RFX3: variants seen among roughly 807,000 people sequenced by gnomAD.
The protein encoded by RFX3 is transcription factor RFX3.
RFX3 carries 14 observed loss-of-function variants against 98.6 expected under a neutral mutation model. That is an observed-to-expected ratio of 0.14 (90% CI 0.09 to 0.22). RFX3 has a LOEUF of 0.22. Among genes scored for constraint, RFX3 ranks in the 10% least tolerant of loss-of-function variants. The probability of loss-of-function intolerance (pLI) is 1.00; values close to 1 mark genes in which losing one functional copy is unlikely to be tolerated. For synonymous variants in RFX3, 383 were observed against 328.4 expected (o/e 1.17, Z -1.80); for missense variants, 639 against 926.9 (o/e 0.69, Z 4.03).
intron 1 of RFX3, among the ~76,000 whole-genome samples, chr9:3,496,605 C>G (rs1851125844): frequency 6.6e-6 from 1 of 151,898 alleles, no homozygotes; most frequent in African/African-American, 2.4e-5. Context: ...TCACGTTAAG[C>G]TCTCTCTATA....
At chr9:3,489,495 T>C in intron 1 of RFX3, 1 of 802,788 alleles carries the variant, frequency 1.2e-6, no homozygotes, top group Non-Finnish European at 1.5e-6. Context: ...AGTAGGGGAA[T>C]TATGACATCA....
chr9:3,322,469 G>T (rs775749555), intron 4 of RFX3, among the ~76,000 whole-genome samples: 57 of 152,116 alleles, frequency 3.7e-4, no homozygotes, highest in East Asian at 9.7e-4. Flanking sequence ...CGGTGGCTCA[G>T]GCCTGTAATC....
chr9:3,352,378 G>A (rs886830673), intron 2 of RFX3, among the ~76,000 whole-genome samples: 1 of 151,950 alleles, frequency 6.6e-6, no homozygotes, highest in Non-Finnish European at 1.5e-5. Context: ...ATGAAAAGAG[G>A]TGAGGGGGTG....
chr9:3,445,857 G>A (rs1343971140), intron 1 of RFX3, among the ~76,000 whole-genome samples: 2 of 152,014 alleles, frequency 1.3e-5, no homozygotes, highest in Non-Finnish European at 2.9e-5. Context: ...TCACTTCTCT[G>A]CATGCCCTGA....
intron 4 of RFX3, among the ~76,000 whole-genome samples, chr9:3,322,615 C>A (rs1380860440): frequency 6.6e-6 from 1 of 152,010 alleles, no homozygotes; most frequent in Non-Finnish European, 1.5e-5. Context: ...TACCTGTAAT[C>A]CCAGTTACTA....
chr9:3,433,223 T>C (rs1844809734), intron 1 of RFX3, among the ~76,000 whole-genome samples: 1 of 152,058 alleles, frequency 6.6e-6, no homozygotes, highest in African/African-American at 2.4e-5. Context: ...TTCCATAAAG[T>C]CACACAAAGT....
chr9:3,485,889 C>A (rs1376082366), intron 1 of RFX3, among the ~76,000 whole-genome samples: 3 of 151,952 alleles, frequency 2.0e-5, no homozygotes, highest in Admixed American at 6.5e-5. Context: ...CTTTGGGAGG[C>A]CGAGGTGGGC....
chr9:3,310,036 A>C (rs1829780844), intron 4 of RFX3, among the ~76,000 whole-genome samples: 1 of 152,180 alleles, frequency 6.6e-6, no homozygotes, highest in Admixed American at 6.5e-5. Context: ...GTGATCCTGA[A>C]CAGTGCTTTC....
At chr9:3,265,484 G>A (rs1489180386) in intron 12 of RFX3, among the ~76,000 whole-genome samples, 1 of 152,152 alleles carries the variant, frequency 6.6e-6, no homozygotes, top group African/African-American at 2.4e-5. Flanking sequence ...GCTGGAGTCT[G>A]ACAGTAAATA....
At chr9:3,313,486 C>T (rs992523468) in intron 4 of RFX3, among the ~76,000 whole-genome samples, 26 of 152,136 alleles carry the variant, frequency 1.7e-4, no homozygotes, top group African/African-American at 5.6e-4. Context: ...CGCAGCTCCC[C>T]GCCAGCAACG....
chr9:3,324,833 G>A (rs771591014), intron 4 of RFX3, among the ~76,000 whole-genome samples: 6 of 151,776 alleles, frequency 4.0e-5, no homozygotes, highest in African/African-American at 1.2e-4. Context: ...GCATGGTGGC[G>A]GACACCTGTA....
At chr9:3,284,436 CA>C (rs1030024361) in intron 7 of RFX3, among the ~76,000 whole-genome samples, 4 of 151,238 alleles carry the variant, frequency 2.6e-5, no homozygotes, top group East Asian at 3.9e-4. Context: ...CATTTTAGTG[CA>C]AAAAAATTAT....
chr9:3,378,751 T>G (rs1838841635), intron 2 of RFX3, among the ~76,000 whole-genome samples: 1 of 152,028 alleles, frequency 6.6e-6, no homozygotes, highest in Non-Finnish European at 1.5e-5. Context: ...AGATGGGGTT[T>G]CATCATGTTG....
intron 2 of RFX3, among the ~76,000 whole-genome samples, chr9:3,351,379 T>A (rs987615754): frequency 6.6e-6 from 1 of 151,764 alleles, no homozygotes; most frequent in Non-Finnish European, 1.5e-5. Flanking sequence ...TAGGATAAAA[T>A]AAAATCATGC....
Position 3,329,407 on chromosome 9 carries a change from C to CAAAAAAA in RFX3, c.474+845_474+851dup, listed in dbSNP as rs1202028884. On this transcript the variant is annotated intron_variant, in intron 4 of 16. Transcript: ENST00000617270. Reference sequence around the variant, plus strand: ...TGGGCCACAGAGTAAGACTTCATCTCAAAAAAAAAAAAAAAAAAAAACAAA... The same window carrying CAAAAAAA: ...TGGGCCACAGAGTAAGACTTCATCTCAAAAAAAAAAAAAAAAAAAAAAAAAAAACAAA... Among the ~76,000 whole-genome samples, 92 of 37,226 alleles carry CAAAAAAA rather than the reference C, an allele frequency of 2.5e-3. 1 individual carries two copies. The highest frequency in any genetic ancestry group is 3.5e-3 in the African/African-American group (26 of 7,484). 24.4% of individuals were successfully genotyped at this position (37,226 alleles called of 152,430 possible). A position where few individuals can be genotyped will look rare whatever the true frequency, so the allele number is the denominator to read the frequency against.
At chr9:3,323,187 G>A (rs968097159) in intron 4 of RFX3, among the ~76,000 whole-genome samples, 1 of 152,162 alleles carries the variant, frequency 6.6e-6, no homozygotes, top group Non-Finnish European at 1.5e-5. Flanking sequence ...CACATGCTTT[G>A]GGGGATGAAC....
At position 3,463,586 on chromosome 9, in the gene RFX3, T is replaced by A. The variant is rs541088910; in HGVS notation, c.-9+62161A>T. On this transcript the variant is annotated intron_variant, in intron 1 of 16. Coordinates refer to ENST00000617270, the MANE Select transcript of RFX3 (RefSeq NM_001282116.2). ...GCCCACAGACTTGGAAAAAAAAAAA[T>A]TGGAAAACATATCTCTGATAAAGGA... Among the ~76,000 whole-genome samples, 395 of 151,236 alleles carry A rather than the reference T, an allele frequency of 2.6e-3. 1 individual carries two copies. Among genetic ancestry groups the A allele is most frequent in the African/African-American group, 9.1e-3 (376 of 41,222 alleles).
chr9:3,335,029 G>T (rs918565841), intron 3 of RFX3, among the ~76,000 whole-genome samples: 1 of 152,108 alleles, frequency 6.6e-6, no homozygotes, highest in Non-Finnish European at 1.5e-5. Flanking sequence ...TGAGGCAGGA[G>T]AATCGCTTGA....
chr9:3,456,196 G>A (rs1226378079), intron 1 of RFX3, among the ~76,000 whole-genome samples: 1 of 152,178 alleles, frequency 6.6e-6, no homozygotes. Flanking sequence ...TGGCCCTTAA[G>A]TTTCTACATC....
Sources: allele counts gnomAD v4.1 joint callset (sites outside exome capture counted in the v4.1 genomes callset), GRCh38; gene constraint gnomAD v4.1.1; transcripts MANE v1.5; gene names NCBI Gene and HGNC (gene_info 2026-07-23, HGNC 2026-07-21).